Variants in GNRHR observed in about 807,000 individuals in gnomAD.
The protein encoded by GNRHR is gonadotropin-releasing hormone receptor.
A neutral mutation model predicts 28.1 loss-of-function variants in GNRHR; 14 were observed. The observed-to-expected ratio is 0.50, with a 90% confidence interval of 0.33 to 0.78. The LOEUF is 0.78. GNRHR is among the 30% of genes least tolerant of loss of function. The probability of loss-of-function intolerance (pLI) is 0.02; values close to 1 mark genes in which losing one functional copy is unlikely to be tolerated. For synonymous variants in GNRHR, 141 were observed against 140.5 expected (o/e 1.00, Z -0.02); for missense variants, 366 against 382.1 (o/e 0.96, Z 0.35).
rs763579205 is a variant in GNRHR at position 67,744,812 on chromosome 4, G to T, written c.523-25C>A. On this transcript the variant is annotated intron_variant, in intron 1 of 2. Transcript: ENST00000226413. Reference sequence around the variant, plus strand: ...ACTGTATGAGACAATAAAAAGCTATGTTACTTTTTTCCATATGGTATTTGA... The same window carrying T: ...ACTGTATGAGACAATAAAAAGCTATTTTACTTTTTTCCATATGGTATTTGA... 4.6e-5 allele frequency: 61 copies of T among 1,327,116 alleles called. No homozygotes were observed. The Admixed American group carries it at 9.9e-4, about 22-fold the overall frequency. The allele number at this position is 1,327,116 out of a possible 1,614,324, so 82.2% of individuals were successfully genotyped here.
chr4:67,747,086 CTT>C (rs1354264439), intron 1 of GNRHR: 2 of 152,072 alleles, frequency 1.3e-5, no homozygotes, highest in Non-Finnish European at 2.9e-5. Flanking sequence ...GAGTTAAAGT[CTT>C]TGGAAGGCTT....
intron 2 of GNRHR, among the ~76,000 whole-genome samples, chr4:67,741,352 A>C (rs900991998): frequency 6.6e-6 from 1 of 152,164 alleles, no homozygotes. Flanking sequence ...CTCCAATTCT[A>C]TCCAGGTTGC....
At chr4:67,751,320 T>C (rs1332600650) in intron 1 of GNRHR, among the ~76,000 whole-genome samples, 1 of 152,170 alleles carries the variant, frequency 6.6e-6, no homozygotes, top group African/African-American at 2.4e-5. Flanking sequence ...ATATATGAAA[T>C]AGGGATAATA....
At chr4:67,745,261 A>G (rs1731734177) in intron 1 of GNRHR, among the ~76,000 whole-genome samples, 1 of 152,046 alleles carries the variant, frequency 6.6e-6, no homozygotes, top group African/African-American at 2.4e-5. Flanking sequence ...ACAGTTGCTC[A>G]AAGAATGATG....
At chr4:67,744,507 GT>G in intron 2 of GNRHR, 60 bp downstream of exon 2, 1 of 937,026 alleles carries the variant, frequency 1.1e-6, no homozygotes, top group East Asian at 2.4e-5. Flanking sequence ...ATGCCACTCT[GT>G]TTTGAGCATT....
At chr4:67,748,982 T>C (rs1033910146) in intron 1 of GNRHR, among the ~76,000 whole-genome samples, 1 of 152,142 alleles carries the variant, frequency 6.6e-6, no homozygotes, top group African/African-American at 2.4e-5. Context: ...AGCTTATTTA[T>C]TTAATATTTA....
chr4:67,745,847 T>G (rs1731744040), intron 1 of GNRHR, among the ~76,000 whole-genome samples: 1 of 152,184 alleles, frequency 6.6e-6, no homozygotes, highest in East Asian at 1.9e-4. Flanking sequence ...GAATCTAACC[T>G]TGAGAGGACA....
chr4:67,746,078 T>C (rs1731749824), intron 1 of GNRHR, among the ~76,000 whole-genome samples: 1 of 152,064 alleles, frequency 6.6e-6, no homozygotes, highest in African/African-American at 2.4e-5. Flanking sequence ...ATAAATTAAA[T>C]AGTGGTATTG....
chr4:67,746,804 C>G (rs1351837787), intron 1 of GNRHR, among the ~76,000 whole-genome samples: 1 of 151,872 alleles, frequency 6.6e-6, no homozygotes. Context: ...GAAACCTTGG[C>G]CCTGTTAAAT....
chr4:67,748,212 T>C (rs1186709048), intron 1 of GNRHR, among the ~76,000 whole-genome samples: 1 of 152,108 alleles, frequency 6.6e-6, no homozygotes, highest in Non-Finnish European at 1.5e-5. Context: ...CCCACACTAA[T>C]TACACCCTTA....
Position 67,739,394 on chromosome 4 carries a change from G to T in GNRHR, c.*1086C>A, listed in dbSNP as rs999591628. On this transcript the variant is annotated 3_prime_UTR_variant, in exon 3 of 3. Coordinates refer to ENST00000226413, the MANE Select transcript of GNRHR (RefSeq NM_000406.3). ...AGGGCTGAAATAAAAACATTACATG[G>T]AAATATAGTGTTGTGCATAGACTGC... is the stretch of plus-strand genomic sequence containing the variant. The T allele has an allele frequency of 1.3e-5, 2 of 151,982 alleles. No homozygotes were observed. Among genetic ancestry groups the T allele is most frequent in the African/African-American group, 4.8e-5 (2 of 41,430 alleles). 9.4% of individuals were successfully genotyped at this position (151,982 alleles called of 1,614,324 possible). A position where few individuals can be genotyped will look rare whatever the true frequency, so the allele number is the denominator to read the frequency against.
At chr4:67,748,696 C>T (rs1246921844) in intron 1 of GNRHR, among the ~76,000 whole-genome samples, 2 of 149,084 alleles carry the variant, frequency 1.3e-5, no homozygotes, top group South Asian at 2.1e-4. Context: ...TGCACGTGTA[C>T]CCTAAAACTT....
intron 1 of GNRHR, among the ~76,000 whole-genome samples, chr4:67,748,741 A>G (rs1430165082): frequency 6.6e-6 from 1 of 150,794 alleles, no homozygotes; most frequent in Non-Finnish European, 1.5e-5. Context: ...AAATAAATAA[A>G]TAAATAAATG....
At position 67,753,500 on chromosome 4, in the gene GNRHR, A is replaced by AT. The variant is rs1446159932; in HGVS notation, c.522+313dup. 57 of 268,840 alleles carry AT rather than the reference A, an allele frequency of 2.1e-4. No individual in the cohort carries two copies. The Middle Eastern group carries it at 3.5e-3, about 17-fold the overall frequency. The allele number at this position is 268,840 out of a possible 1,614,324, so 16.7% of individuals were successfully genotyped here. On this transcript the variant is annotated intron_variant, in intron 1 of 2. Transcript: ENST00000226413. ...AGATAAGGTCAAGTTTGAGAATCGC[A>AT]TTTTTTTTGGGGAAGCATTTGCTAC...
chr4:67,754,023 C>T lies in GNRHR; in HGVS notation c.313G>A (p.Val105Ile), dbSNP rs780491975. The T allele has an allele frequency of 6.2e-7, 1 of 1,613,408 alleles. No individual in the cohort carries two copies. Among genetic ancestry groups the T allele is most frequent in the Non-Finnish European group, 8.5e-7 (1 of 1,179,346 alleles). The change falls in exon 1 of 3, where the codon GTC becomes ATC. Residue 105 changes from valine (V) to isoleucine (I), a missense_variant. By Grantham distance (29) the Val-to-Ile change is conservative (BLOSUM62 3). Transcript: ENST00000226413. ...AGTAACTCTCCAGCATACCATTGGA[C>T]TGTAATGTTCCACATCCCATCCAGT... ...MPLDGMWNITVQWYAGELLCK... is the reference protein window; with the variant it reads ...MPLDGMWNITIQWYAGELLCK...
intron 1 of GNRHR, among the ~76,000 whole-genome samples, chr4:67,748,318 A>G (rs750600266): frequency 3.9e-5 from 6 of 152,128 alleles, no homozygotes; most frequent in Non-Finnish European, 7.4e-5. Context: ...TCTAAGGCCT[A>G]TCATGACAAT....
Position 67,737,806 on chromosome 4 carries a change from G to A in GNRHR, c.*2674C>T, listed in dbSNP as rs1490236032. Among the ~76,000 whole-genome samples, 5 of 151,790 alleles carry A rather than the reference G, an allele frequency of 3.3e-5. No individual in the cohort carries two copies. The highest frequency in any genetic ancestry group is 5.9e-5 in the Non-Finnish European group (4 of 67,800). The stretch of plus-strand genomic sequence containing the variant: ...GGCTAAGTAAAGGAAGAGAAACCAA[G>A]ATAGAATCTCCAATATCTGATATAT... On this transcript the variant is annotated 3_prime_UTR_variant, in exon 3 of 3. Transcript: ENST00000226413.
intron 1 of GNRHR, among the ~76,000 whole-genome samples, chr4:67,745,552 G>A (rs1370909713): frequency 1.3e-5 from 2 of 152,032 alleles, no homozygotes; most frequent in African/African-American, 4.8e-5. Flanking sequence ...ATTACCAAAT[G>A]TTAATCACTA....
At chr4:67,748,262 T>C (rs1577870104) in intron 1 of GNRHR, among the ~76,000 whole-genome samples, 1 of 152,084 alleles carries the variant, frequency 6.6e-6, no homozygotes, top group East Asian at 1.9e-4. Flanking sequence ...AGATGTGTGC[T>C]TCAGTTTCCT....
Sources: allele counts gnomAD v4.1 joint callset (sites outside exome capture counted in the v4.1 genomes callset), GRCh38; gene constraint gnomAD v4.1.1; transcripts MANE v1.5; gene names NCBI Gene and HGNC (gene_info 2026-07-23, HGNC 2026-07-21).